FERMT2: variants seen among roughly 807,000 people sequenced by gnomAD.
FERMT2 encodes FERM domain containing kindlin 2.
In FERMT2, 15 loss-of-function variants were observed where a neutral mutation model predicts 82.7. The ratio of observed to expected loss-of-function variants is 0.18; its 90% CI spans 0.12 to 0.28. FERMT2 has a LOEUF of 0.28. Among genes scored for constraint, FERMT2 ranks in the 10% least tolerant of loss-of-function variants. The pLI is 1.00. For missense variants in FERMT2, 645 were observed against 809.4 expected, an observed-to-expected ratio of 0.80 and a Z score of 2.46; for synonymous variants, 274 against 271.5, an observed-to-expected ratio of 1.01 and a Z score of -0.09.
chr14:52,881,155 C>A lies in FERMT2; in HGVS notation c.753-17G>T. On this transcript the variant is annotated splice_polypyrimidine_tract_variant and intron_variant, in intron 5 of 14. Coordinates refer to ENST00000341590, the MANE Select transcript of FERMT2 (RefSeq NM_006832.3). ...TCAAGCCATCTGGACAAATTAAGAA[C>A]AGTGGAACAAAACAACACAGAATGA... 1 of 1,603,872 alleles carries A rather than the reference C, an allele frequency of 6.2e-7. No individual in the cohort carries two copies. The highest frequency in any genetic ancestry group is 2.2e-5 in the East Asian group (1 of 44,812).
At chr14:52,905,266 A>T (rs761553386) in intron 3 of FERMT2, among the ~76,000 whole-genome samples, 9 of 152,100 alleles carry the variant, frequency 5.9e-5, no homozygotes, top group Non-Finnish European at 1.0e-4. Context: ...AAGTAACAGT[A>T]TAAGCACATA....
At chr14:52,945,162 C>T (rs940077004) in intron 2 of FERMT2, among the ~76,000 whole-genome samples, 11 of 152,052 alleles carry the variant, frequency 7.2e-5, no homozygotes, top group Admixed American at 5.9e-4. Context: ...TTCTGAGCCT[C>T]GGCCTCCCAA....
At chr14:52,894,070 C>T (rs773436148) in intron 3 of FERMT2, among the ~76,000 whole-genome samples, 7 of 152,052 alleles carry the variant, frequency 4.6e-5, no homozygotes, top group South Asian at 2.1e-4. Context: ...TCAGGTGATC[C>T]GCCTGCCTCG....
chr14:52,882,396 T>C (rs1886349487), intron 4 of FERMT2, among the ~76,000 whole-genome samples: 1 of 152,158 alleles, frequency 6.6e-6, no homozygotes, highest in Non-Finnish European at 1.5e-5. Flanking sequence ...GCTAGACATA[T>C]AGTAGAGGTT....
At chr14:52,950,800 C>T (rs1284361796) in intron 1 of FERMT2, 121 bp downstream of exon 1, 5 of 417,462 alleles carry the variant, frequency 1.2e-5, no homozygotes, top group African/African-American at 8.4e-5. Context: ...CACACCGTCC[C>T]CGCCTAGCGG....
At chr14:52,946,962 C>T (rs1313937550) in intron 2 of FERMT2, among the ~76,000 whole-genome samples, 3 of 152,128 alleles carry the variant, frequency 2.0e-5, no homozygotes, top group East Asian at 3.9e-4. Flanking sequence ...TGTGAGCCAC[C>T]GTACCCAACC....
chr14:52,894,710 T>C (rs961996339), intron 3 of FERMT2, among the ~76,000 whole-genome samples: 3 of 152,112 alleles, frequency 2.0e-5, no homozygotes, highest in African/African-American at 7.2e-5. Context: ...GATTCATATA[T>C]ATATGTTTTA....
At chr14:52,926,510 T>C (rs960414225) in intron 2 of FERMT2, among the ~76,000 whole-genome samples, 10 of 151,956 alleles carry the variant, frequency 6.6e-5, no homozygotes, top group Non-Finnish European at 2.9e-5. Flanking sequence ...GATTCATTCA[T>C]CTGCATTATA....
At chr14:52,890,030 G>A (rs1411360248) in intron 4 of FERMT2, among the ~76,000 whole-genome samples, 7 of 151,560 alleles carry the variant, frequency 4.6e-5, no homozygotes, top group Non-Finnish European at 8.8e-5. Flanking sequence ...TCAGGAGGCC[G>A]AGGCAGGAGA....
At chr14:52,866,912 C>A (rs140634143) in intron 10 of FERMT2, among the ~76,000 whole-genome samples, 8 of 152,228 alleles carry the variant, frequency 5.3e-5, no homozygotes, top group African/African-American at 1.9e-4. Flanking sequence ...ACCATCCGAG[C>A]AACCCTGCTC....
At chr14:52,950,656 G>A in intron 1 of FERMT2, 79 bp from the exon 2 acceptor site, 1 of 1,460,154 alleles carries the variant, frequency 6.8e-7, no homozygotes, top group South Asian at 1.2e-5. Context: ...CGCAGCGCCG[G>A]CCACGGGCTG....
intron 2 of FERMT2, among the ~76,000 whole-genome samples, chr14:52,934,904 T>A (rs781088887): frequency 1.3e-5 from 2 of 152,046 alleles, no homozygotes; most frequent in Non-Finnish European, 2.9e-5. Context: ...GTGTGAACTG[T>A]ATGCACAGTG....
intron 2 of FERMT2, among the ~76,000 whole-genome samples, chr14:52,921,197 C>T (rs973335813): frequency 3.9e-5 from 6 of 152,192 alleles, no homozygotes; most frequent in East Asian, 1.9e-4. Context: ...TTACTTGATA[C>T]GACTGAAGTT....
chr14:52,931,642 A>G (rs905221818), intron 2 of FERMT2, among the ~76,000 whole-genome samples: 20 of 152,260 alleles, frequency 1.3e-4, no homozygotes, highest in African/African-American at 4.8e-4. Flanking sequence ...TCCTAGCTTG[A>G]TAATTAAATA....
At chr14:52,910,923 T>C (rs1888274377) in intron 3 of FERMT2, among the ~76,000 whole-genome samples, 1 of 152,208 alleles carries the variant, frequency 6.6e-6, no homozygotes, top group Non-Finnish European at 1.5e-5. Context: ...ACAAGAGAGT[T>C]AAATTAATTA....
intron 12 of FERMT2, chr14:52,860,809 G>GCA: frequency 3.3e-6 from 2 of 605,230 alleles, no homozygotes; most frequent in South Asian, 4.2e-5. Context: ...ATTAAATTTA[G>GCA]CACTATGTCT....
intron 4 of FERMT2, among the ~76,000 whole-genome samples, chr14:52,891,460 TAA>T (rs1886928749): frequency 6.6e-6 from 1 of 152,172 alleles, no homozygotes; most frequent in Admixed American, 6.6e-5. Flanking sequence ...AATCAGTACA[TAA>T]AACAGAAAAG....
intron 2 of FERMT2, among the ~76,000 whole-genome samples, chr14:52,930,787 T>C (rs576920320): frequency 6.6e-6 from 1 of 152,328 alleles, no homozygotes; most frequent in African/African-American, 2.4e-5. Context: ...TGAGACTCTA[T>C]TGCCAATAAT....
At chr14:52,914,410 C>G (rs979728013) in intron 3 of FERMT2, among the ~76,000 whole-genome samples, 1 of 105,586 alleles carries the variant, frequency 9.5e-6, no homozygotes, top group African/African-American at 2.8e-5. Context: ...AGATCTCCCC[C>G]CAAAACAACA....
Sources: allele counts gnomAD v4.1 joint callset (sites outside exome capture counted in the v4.1 genomes callset), GRCh38; gene constraint gnomAD v4.1.1; transcripts MANE v1.5; gene names NCBI Gene and HGNC (gene_info 2026-07-23, HGNC 2026-07-21).